The following DLGAP2 variants were observed in gnomAD, a reference collection of about 807,000 sequenced individuals.
The protein encoded by DLGAP2 is DLG associated protein 2.
Under a neutral mutation model 100.3 loss-of-function variants are expected in DLGAP2, and 26 were observed. That is an observed-to-expected ratio of 0.26 (90% confidence interval 0.19 to 0.36). The LOEUF (loss-of-function observed/expected upper bound fraction) is 0.36, where lower values mean the gene tolerates loss of function less well. Ranked by LOEUF, DLGAP2 falls within the 10% of genes least tolerant of loss-of-function variation. The pLI, the probability that DLGAP2 is intolerant of heterozygous loss-of-function variation, is 1.00. For synonymous variants in DLGAP2, 886 were observed against 630.1 expected, an observed-to-expected ratio of 1.41 and a Z score of -6.08; for missense variants, 1,858 against 1,453.2, an observed-to-expected ratio of 1.28 and a Z score of -4.53.
chr8:947,691 C>T (rs1020306092), intron 2 of DLGAP2, among the ~76,000 whole-genome samples: 1 of 152,240 alleles, frequency 6.6e-6, no homozygotes, highest in Non-Finnish European at 1.5e-5. Context: ...CCTCCCTGCC[C>T]ACGGCTCCGG....
intron 2 of DLGAP2, among the ~76,000 whole-genome samples, chr8:1,039,493 G>A (rs1189988476): frequency 2.8e-5 from 4 of 141,862 alleles, no homozygotes; most frequent in East Asian, 2.2e-4. Context: ...TGGTCGGCTC[G>A]GTGTGCATGG....
chr8:1,494,033 A>G (rs552294930), intron 3 of DLGAP2, among the ~76,000 whole-genome samples: 2 of 115,944 alleles, frequency 1.7e-5, no homozygotes, highest in South Asian at 5.8e-4. Context: ...CTGCCCTCCC[A>G]TTCTGCATCG....
chr8:1,064,835 C>A (rs1431490804), intron 2 of DLGAP2, among the ~76,000 whole-genome samples: 1 of 152,176 alleles, frequency 6.6e-6, no homozygotes, highest in Non-Finnish European at 1.5e-5. Context: ...GTCCGTTTCA[C>A]CCCCCTCCAC....
At chr8:1,001,730 T>C (rs1025827831) in intron 2 of DLGAP2, among the ~76,000 whole-genome samples, 1 of 152,200 alleles carries the variant, frequency 6.6e-6, no homozygotes, top group Non-Finnish European at 1.5e-5. Context: ...TTCTCTACTA[T>C]TGCTGTAACG....
At chr8:1,550,321 G>A (rs888818289) in intron 5 of DLGAP2, among the ~76,000 whole-genome samples, 6 of 152,304 alleles carry the variant, frequency 3.9e-5, no homozygotes, top group Middle Eastern at 3.4e-3. Context: ...CAGGGATGGC[G>A]GGACGTTATC....
At chr8:1,364,206 A>G (rs528807693) in intron 3 of DLGAP2, among the ~76,000 whole-genome samples, 6 of 152,198 alleles carry the variant, frequency 3.9e-5, no homozygotes, top group African/African-American at 1.4e-4. Flanking sequence ...GGAGGGGCGG[A>G]CGGTGCCCCC....
At chr8:1,126,942 G>C (rs112839147) in intron 2 of DLGAP2, among the ~76,000 whole-genome samples, 2,201 of 151,676 alleles carry the variant, frequency 0.015, 54 homozygotes, top group African/African-American at 0.051. Context: ...CCTTATGAGG[G>C]ACCCCCAACC....
intron 3 of DLGAP2, chr8:1,297,198 G>A (rs1463311770): frequency 6.6e-6 from 1 of 152,222 alleles, no homozygotes; most frequent in African/African-American, 2.4e-5. Context: ...GAATGACATG[G>A]ACCTCCAGGT....
At chr8:1,569,461 T>G (rs1354637667) in intron 6 of DLGAP2, among the ~76,000 whole-genome samples, 1 of 151,822 alleles carries the variant, frequency 6.6e-6, no homozygotes, top group Non-Finnish European at 1.5e-5. Context: ...CTCCTCTGAG[T>G]CACTCTTTGG....
intron 2 of DLGAP2, among the ~76,000 whole-genome samples, chr8:1,254,771 CTT>C (rs1197173829): frequency 1.3e-5 from 2 of 152,150 alleles, no homozygotes; most frequent in Non-Finnish European, 2.9e-5. Context: ...GAGTTGTTGA[CTT>C]TTGGATTTTA....
At chr8:1,352,927 C>T (rs1801768711) in intron 3 of DLGAP2, among the ~76,000 whole-genome samples, 1 of 152,154 alleles carries the variant, frequency 6.6e-6, no homozygotes, top group South Asian at 2.1e-4. Context: ...GCTCAGCCTG[C>T]CATTGGGGTG....
intron 3 of DLGAP2, among the ~76,000 whole-genome samples, chr8:1,488,764 C>G (rs1159304149): frequency 6.6e-6 from 1 of 152,202 alleles, no homozygotes; most frequent in Non-Finnish European, 1.5e-5. Context: ...CTTCTGCATT[C>G]AGATGCTGTG....
In DLGAP2 at chr8:1,626,122, C is replaced by T. The variant is rs79586184; in HGVS notation, c.1443-618C>T. 9.1e-3 allele frequency among the ~76,000 whole-genome samples: 533 copies of T among 58,564 alleles called. 22 individuals are homozygous for T. The highest frequency in any genetic ancestry group is 0.015 in the Middle Eastern group (1 of 68). The allele number at this position is 58,564 out of a possible 152,430, so 38.4% of individuals were successfully genotyped here. A position where few individuals can be genotyped will look rare whatever the true frequency, so the allele number is the denominator to read the frequency against. On this transcript the variant is annotated intron_variant, in intron 6 of 14. Coordinates refer to ENST00000637795, the MANE Select transcript of DLGAP2 (RefSeq NM_001346810.2). ...GGTGTGGGTTGGACGGCTGTTCCCACCTCTGCCCTGTGGCGGGTGCTCAGC... is the reference window on the plus strand; with the variant it reads ...GGTGTGGGTTGGACGGCTGTTCCCATCTCTGCCCTGTGGCGGGTGCTCAGC...
At chr8:1,618,793 G>T (rs1797238375) in intron 6 of DLGAP2, among the ~76,000 whole-genome samples, 1 of 152,028 alleles carries the variant, frequency 6.6e-6, no homozygotes, top group African/African-American at 2.4e-5. Flanking sequence ...TGATATTTGG[G>T]GCCAGACGAT....
rs1252652210 is a variant in DLGAP2, at chr8:838,526, A to G, written c.19-69386A>G. On this transcript the variant is annotated intron_variant, in intron 1 of 14. Transcript: ENST00000637795. ...TCTTCAGGAATTTCAATTAATCCATAATATACATTGTTTGATAAGCTTTAA... is the reference window on the plus strand; with the variant it reads ...TCTTCAGGAATTTCAATTAATCCATGATATACATTGTTTGATAAGCTTTAA... 2.0e-5 allele frequency among the ~76,000 whole-genome samples: 3 copies of G among 152,216 alleles called. No individual in the cohort carries two copies. In the East Asian group the frequency reaches 5.8e-4, roughly 29 times the overall value.
At chr8:1,376,418 C>A (rs6558461) in intron 3 of DLGAP2, among the ~76,000 whole-genome samples, 1 of 152,114 alleles carries the variant, frequency 6.6e-6, no homozygotes, top group Admixed American at 6.5e-5. Flanking sequence ...CGCTGCATGG[C>A]CTCTGTGCCC....
intron 2 of DLGAP2, among the ~76,000 whole-genome samples, chr8:1,235,141 A>G (rs1175449535): frequency 8.0e-4 from 25 of 31,222 alleles, no homozygotes; most frequent in African/African-American, 2.0e-3. Flanking sequence ...CTTCCCTCAC[A>G]CGTGGCGTCG....
At chr8:1,215,495 T>A (rs747061279) in intron 2 of DLGAP2, among the ~76,000 whole-genome samples, 1,948 of 47,082 alleles carry the variant, frequency 0.041, 83 homozygotes, top group African/African-American at 0.13. Context: ...TGGGTTCATT[T>A]GGGTGCATCA....
At chr8:1,072,121 C>T (rs190111953) in intron 2 of DLGAP2, among the ~76,000 whole-genome samples, 22 of 152,260 alleles carry the variant, frequency 1.4e-4, no homozygotes, top group Middle Eastern at 3.4e-3. Context: ...CACCAACCAC[C>T]GTCAAGGCAC....
Sources: allele counts gnomAD v4.1 joint callset (sites outside exome capture counted in the v4.1 genomes callset), GRCh38; gene constraint gnomAD v4.1.1; transcripts MANE v1.5; gene names NCBI Gene and HGNC (gene_info 2026-07-23, HGNC 2026-07-21).